PAFAH1B2: variants seen among roughly 807,000 people sequenced by gnomAD.
PAFAH1B2 encodes platelet activating factor acetylhydrolase 1b catalytic subunit 2, also known as platelet-activating factor acetylhydrolase IB subunit alpha2.
PAFAH1B2 carries 8 observed loss-of-function variants against 28.0 expected under a neutral mutation model. The observed-to-expected ratio is 0.29, with a 90% CI of 0.17 to 0.52. The LOEUF (loss-of-function observed/expected upper bound fraction) is 0.52. PAFAH1B2 is among the 20% of genes least tolerant of loss of function. The pLI is 0.97. For synonymous variants in PAFAH1B2, 104 were observed against 103.2 expected (o/e 1.01, Z -0.05); for missense variants, 190 against 282.6 (o/e 0.67, Z 2.35).
chr11:117,146,625 T>C (rs1851957553), intron 1 of PAFAH1B2, among the ~76,000 whole-genome samples: 1 of 151,960 alleles, frequency 6.6e-6, no homozygotes, highest in Admixed American at 6.6e-5. Flanking sequence ...GCCCAGGAGA[T>C]CAAGGCTGCA....
intron 1 of PAFAH1B2, among the ~76,000 whole-genome samples, chr11:117,150,721 G>A (rs1441284657): frequency 1.3e-5 from 2 of 152,066 alleles, no homozygotes; most frequent in Non-Finnish European, 2.9e-5. Flanking sequence ...CTGTATTTGA[G>A]GATGGCAAGG....
chr11:117,164,434 G>A (rs1376967644), intron 5 of PAFAH1B2, among the ~76,000 whole-genome samples: 1 of 151,744 alleles, frequency 6.6e-6, no homozygotes, highest in Non-Finnish European at 1.5e-5. Context: ...AAGCCGTTTG[G>A]TGCCTCAGTA....
chr11:117,153,915 AT>A (rs1327488239), intron 2 of PAFAH1B2, among the ~76,000 whole-genome samples: 7 of 149,768 alleles, frequency 4.7e-5, no homozygotes, highest in South Asian at 2.1e-4. Flanking sequence ...TTGTCCCAAT[AT>A]TTTTTTCTTT....
intron 1 of PAFAH1B2, among the ~76,000 whole-genome samples, chr11:117,147,318 C>T (rs1203428649): frequency 6.6e-6 from 1 of 152,176 alleles, no homozygotes; most frequent in Non-Finnish European, 1.5e-5. Flanking sequence ...GGGTCTTGCT[C>T]TGTCCCTGAG....
At chr11:117,172,400 ATATATTTTTTTTTTTTTTT>A (rs1956690805), downstream of PAFAH1B2, among the ~76,000 whole-genome samples, 4 of 3,630 alleles carry the variant, frequency 1.1e-3, no homozygotes, top group Admixed American at 7.6e-3. Context: ...ATATATATAT[ATATATTTTTTTTTTTTTTT>A]TTTTTTTTTT....
At chr11:117,164,952 T>C (rs1022072663) in intron 5 of PAFAH1B2, among the ~76,000 whole-genome samples, 12 of 90,662 alleles carry the variant, frequency 1.3e-4, no homozygotes, top group African/African-American at 3.7e-4. Context: ...AGATAATTTC[T>C]TTTTTCTTTT....
At chr11:117,162,024 A>T (rs1358241620) in intron 4 of PAFAH1B2, among the ~76,000 whole-genome samples, 3 of 152,176 alleles carry the variant, frequency 2.0e-5, no homozygotes, top group Non-Finnish European at 4.4e-5. Context: ...GAACAAATGA[A>T]CATTTCTACC....
chr11:117,150,050 A>C (rs1349872687), intron 1 of PAFAH1B2, among the ~76,000 whole-genome samples: 1 of 152,182 alleles, frequency 6.6e-6, no homozygotes, highest in East Asian at 1.9e-4. Flanking sequence ...TTATTAACTA[A>C]CATGTAAGTT....
intron 1 of PAFAH1B2, among the ~76,000 whole-genome samples, chr11:117,148,187 G>A (rs1232809557): frequency 6.6e-6 from 1 of 151,720 alleles, no homozygotes; most frequent in Admixed American, 6.6e-5. Flanking sequence ...GAGTAGCTGG[G>A]ATTACAAGTA....
At chr11:117,162,755 A>C (rs918397918) in intron 4 of PAFAH1B2, among the ~76,000 whole-genome samples, 1 of 152,068 alleles carries the variant, frequency 6.6e-6, no homozygotes, top group African/African-American at 2.4e-5. Flanking sequence ...CTCCGTTTCA[A>C]AAATAAATAA....
At chr11:117,172,683 C>A (rs1038467681), downstream of PAFAH1B2, among the ~76,000 whole-genome samples, 5 of 152,044 alleles carry the variant, frequency 3.3e-5, no homozygotes, top group Admixed American at 6.6e-5. Flanking sequence ...TATGCTCTTA[C>A]CCCTTTGCTG....
At chr11:117,163,091 C>A (rs896945938) in intron 4 of PAFAH1B2, among the ~76,000 whole-genome samples, 1 of 152,136 alleles carries the variant, frequency 6.6e-6, no homozygotes, top group Non-Finnish European at 1.5e-5. Context: ...TCTCTTGTTT[C>A]CTCCTAGTAC....
At chr11:117,164,608 A>G (rs1956458567) in intron 5 of PAFAH1B2, among the ~76,000 whole-genome samples, 1 of 151,370 alleles carries the variant, frequency 6.6e-6, no homozygotes. Flanking sequence ...TCTCTAAAAC[A>G]TAAAAAATTT....
chr11:117,161,402 T>C, intron 4 of PAFAH1B2, 141 bp downstream of exon 4: 1 of 532,806 alleles, frequency 1.9e-6, no homozygotes, highest in South Asian at 3.1e-5. Flanking sequence ...TAAATGATAC[T>C]GTCATTGCTT....
chr11:117,172,826 A>G (rs1038587581), downstream of PAFAH1B2, among the ~76,000 whole-genome samples: 5 of 152,096 alleles, frequency 3.3e-5, no homozygotes, highest in African/African-American at 1.2e-4. Context: ...GCCTCAGCCT[A>G]CTGAGTAGCT....
intron 2 of PAFAH1B2, 158 bp from the exon 3 acceptor site, chr11:117,159,776 A>G: frequency 1.9e-6 from 1 of 534,566 alleles, no homozygotes; most frequent in Non-Finnish European, 3.3e-6. Flanking sequence ...GTTTTTGTAG[A>G]GATGGGATCT....
downstream of PAFAH1B2, among the ~76,000 whole-genome samples, chr11:117,172,105 GTAA>G (rs1355070209): frequency 6.6e-6 from 1 of 151,982 alleles, no homozygotes; most frequent in African/African-American, 2.4e-5. Flanking sequence ...GGAAGTGGTA[GTAA>G]TGTGGAAGAA....
chr11:117,174,452 G>A (rs1035382003), downstream of PAFAH1B2, among the ~76,000 whole-genome samples: 1 of 151,402 alleles, frequency 6.6e-6, no homozygotes, highest in Non-Finnish European at 1.5e-5. Context: ...CCAAAGTACT[G>A]GAATTACAGG....
At chr11:117,146,532 G>A (rs535163071) in intron 1 of PAFAH1B2, among the ~76,000 whole-genome samples, 1 of 152,110 alleles carries the variant, frequency 6.6e-6, no homozygotes, top group African/African-American at 2.4e-5. Flanking sequence ...TCGTCTCTAC[G>A]AAATTTAAAA....
Sources: gnomAD v4.1 joint callset for allele counts (sites outside exome capture counted in the v4.1 genomes callset) on GRCh38, gnomAD v4.1.1 for gene constraint, MANE v1.5 for transcripts, NCBI Gene and HGNC (gene_info 2026-07-23, HGNC 2026-07-21) for gene names.